SMPD3: variants seen among roughly 807,000 people sequenced by gnomAD.
SMPD3 encodes the protein sphingomyelin phosphodiesterase 3, also known as nSMase-2.
In SMPD3, 21 loss-of-function variants were observed where a neutral mutation model predicts 55.7. That is an observed-to-expected ratio of 0.38 (90% confidence interval 0.27 to 0.54). The LOEUF is 0.54. Ranked by LOEUF, SMPD3 falls within the 20% of genes least tolerant of loss-of-function variation. SMPD3 has a pLI of 0.80. For synonymous variants in SMPD3, 457 were observed against 404.3 expected, an observed-to-expected ratio of 1.13 and a Z score of -1.56; for missense variants, 842 against 899.6, an observed-to-expected ratio of 0.94 and a Z score of 0.82.
chr16:68,378,064 C>T (rs189965516), intron 2 of SMPD3, among the ~76,000 whole-genome samples: 219 of 152,336 alleles, frequency 1.4e-3, no homozygotes, highest in Non-Finnish European at 2.4e-3. Context: ...CACTGCTCTT[C>T]CCGGCAGCAG....
At position 68,363,514 on chromosome 16, in the gene SMPD3, G is replaced by A. The variant is rs186860812; in HGVS notation, c.1691C>T (p.Thr564Ile). The A allele has an allele frequency of 3.1e-6, 5 of 1,614,046 alleles. No individual in the cohort carries two copies. In the East Asian group the frequency reaches 6.7e-5, roughly 22 times the overall value. ...TNGLYDEDVC[T>I]PDNLQKVLES... ...TGCTTACTTCTGCAGGTTGTCGGGGGTGCACACATCCTCATCGTACAGGCC... is the reference window on the plus strand; with the variant it reads ...TGCTTACTTCTGCAGGTTGTCGGGGATGCACACATCCTCATCGTACAGGCC... The change falls in exon 7 of 9, where the codon ACC becomes ATC. Residue 564 changes from threonine (T) to isoleucine (I), a missense_variant. Physicochemically the swap from Thr to Ile is moderately conservative, Grantham distance 89. This residue lies in a region of SMPD3 where 649 missense variants were observed against 643.6 expected (regional missense o/e 1.01). Coordinates refer to ENST00000219334, the MANE Select transcript of SMPD3 (RefSeq NM_018667.4).
intron 1 of SMPD3, among the ~76,000 whole-genome samples, chr16:68,412,455 G>T (rs1468418931): frequency 6.6e-6 from 1 of 152,168 alleles, no homozygotes; most frequent in African/African-American, 2.4e-5. Flanking sequence ...CCAAAACATA[G>T]CTGGTGAATC....
chr16:68,378,254 T>A (rs1338237126), intron 2 of SMPD3, among the ~76,000 whole-genome samples: 1 of 152,190 alleles, frequency 6.6e-6, no homozygotes, highest in Non-Finnish European at 1.5e-5. Context: ...GCCGGGCCAT[T>A]TCTGCCTGGA....
At chr16:68,441,599 A>C (rs1253337638) in intron 1 of SMPD3, among the ~76,000 whole-genome samples, 1 of 152,060 alleles carries the variant, frequency 6.6e-6, no homozygotes, top group Non-Finnish European at 1.5e-5. Flanking sequence ...TTTTATACTA[A>C]TTTTTCAAAA....
At chr16:68,394,628 G>A (rs1259952818) in intron 1 of SMPD3, among the ~76,000 whole-genome samples, 1 of 152,220 alleles carries the variant, frequency 6.6e-6, no homozygotes, top group East Asian at 1.9e-4. Context: ...TTCCTTCTAA[G>A]TTTAGTGCAG....
At chr16:68,380,484 G>A (rs1250000371) in intron 2 of SMPD3, among the ~76,000 whole-genome samples, 2 of 152,372 alleles carry the variant, frequency 1.3e-5, no homozygotes, top group East Asian at 3.9e-4. Context: ...TGAGGCCTGT[G>A]CCTGGGCTGG....
chr16:68,434,441 T>C (rs1369535330), intron 1 of SMPD3, among the ~76,000 whole-genome samples: 3 of 152,246 alleles, frequency 2.0e-5, no homozygotes, highest in Admixed American at 6.5e-5. Flanking sequence ...TTGCCTTAAA[T>C]TGTGCTTTGT....
rs2089124676 is a variant in SMPD3 at position 68,359,713 on chromosome 16, G to GCAA, written c.*1492_*1493insTTG. 6.6e-6 allele frequency: 1 copy of GCAA among 152,612 alleles called. No individual in the cohort carries two copies. Among genetic ancestry groups the GCAA allele is most frequent in the African/African-American group, 2.4e-5 (1 of 41,438 alleles). The allele number at this position is 152,612 out of a possible 1,614,324, so 9.5% of individuals were successfully genotyped here. The stretch of plus-strand genomic sequence containing the variant: ...GGGTGTAGGGCCAGGGCGCCACGAG[G>GCAA]AGCGGAGGTCAGCGGGGATTGTCAA... On this transcript the variant is annotated 3_prime_UTR_variant, in exon 9 of 9. Coordinates refer to ENST00000219334, the MANE Select transcript of SMPD3 (RefSeq NM_018667.4).
At chr16:68,435,037 A>G (rs1340465834) in intron 1 of SMPD3, among the ~76,000 whole-genome samples, 1 of 152,182 alleles carries the variant, frequency 6.6e-6, no homozygotes, top group Non-Finnish European at 1.5e-5. Context: ...GTGTTTGGCA[A>G]TGGTGGGTGG....
chr16:68,374,352 T>C (rs1195853757), intron 2 of SMPD3, among the ~76,000 whole-genome samples: 1 of 152,260 alleles, frequency 6.6e-6, no homozygotes, highest in Non-Finnish European at 1.5e-5. Flanking sequence ...CTGGTTCTGA[T>C]AAGCAGCTTC....
rs1208300440 is a variant in SMPD3, at chr16:68,417,756, T to C, written c.-269+30597A>G. The stretch of plus-strand genomic sequence containing the variant: ...CTTGCTATTGTTCTTTGTGTCGTTT[T>C]GCTATATCACACAGCTCCGTCTGAG... On this transcript the variant is annotated intron_variant, in intron 1 of 8. Transcript: ENST00000219334. Among the ~76,000 whole-genome samples the C allele has an allele frequency of 3.3e-5, 5 of 152,326 alleles. No homozygotes were observed. The South Asian group carries it at 8.3e-4, about 25-fold the overall frequency.
chr16:68,388,903 G>T (rs2152003226), intron 1 of SMPD3, among the ~76,000 whole-genome samples: 1 of 152,088 alleles, frequency 6.6e-6, no homozygotes, highest in Middle Eastern at 3.4e-3. Context: ...TTCCCTCTTT[G>T]AGAATAAGAT....
At chr16:68,433,325 G>A (rs141389928) in intron 1 of SMPD3, among the ~76,000 whole-genome samples, 4 of 152,158 alleles carry the variant, frequency 2.6e-5, no homozygotes, top group Non-Finnish European at 4.4e-5. Context: ...CCATTTGCCC[G>A]ACCCTCATGT....
chr16:68,381,002 AC>A (rs1431364431), intron 2 of SMPD3, among the ~76,000 whole-genome samples: 1 of 152,258 alleles, frequency 6.6e-6, no homozygotes, highest in African/African-American at 2.4e-5. Flanking sequence ...GAATCATTTC[AC>A]ATTCAGTCTA....
At chr16:68,432,661 T>C (rs910757345) in intron 1 of SMPD3, among the ~76,000 whole-genome samples, 2 of 152,138 alleles carry the variant, frequency 1.3e-5, no homozygotes, top group African/African-American at 4.8e-5. Flanking sequence ...CAGAAACCAC[T>C]GACCAGCAAA....
chr16:68,379,231 C>A (rs531425863), intron 2 of SMPD3, among the ~76,000 whole-genome samples: 4 of 152,230 alleles, frequency 2.6e-5, no homozygotes, highest in African/African-American at 9.6e-5. Flanking sequence ...TGTGCCTTAT[C>A]GGCATCCCTT....
chr16:68,389,545 A>G (rs1213106646), intron 1 of SMPD3, among the ~76,000 whole-genome samples: 1 of 152,240 alleles, frequency 6.6e-6, no homozygotes, highest in African/African-American at 2.4e-5. Flanking sequence ...TCACAGGTCC[A>G]GAAATAATGT....
At chr16:68,413,569 G>GT (rs2090318070) in intron 1 of SMPD3, among the ~76,000 whole-genome samples, 1 of 152,290 alleles carries the variant, frequency 6.6e-6, no homozygotes, top group South Asian at 2.1e-4. Flanking sequence ...AATCATTGAG[G>GT]TTTTTTCCTG....
chr16:68,445,722 A>G (rs1307673627), intron 1 of SMPD3, among the ~76,000 whole-genome samples: 1 of 152,206 alleles, frequency 6.6e-6, no homozygotes, highest in Non-Finnish European at 1.5e-5. Flanking sequence ...TGGTGGCTAC[A>G]TTGTGTAGTA....
Sources: gnomAD v4.1 joint callset for allele counts (sites outside exome capture counted in the v4.1 genomes callset) on GRCh38, gnomAD v4.1.1 for gene constraint, gnomAD v4.1.1 regional missense constraint, MANE v1.5 for transcripts, NCBI Gene and HGNC (gene_info 2026-07-23, HGNC 2026-07-21) for gene names.